Variants in SMIM27 observed in about 807,000 individuals in gnomAD.
The protein encoded by SMIM27 is transition zone microprotein 1.
Under a neutral mutation model 1.8 loss-of-function variants are expected in SMIM27, and 3 were observed. That is an observed-to-expected ratio of 1.65 (90% CI 0.75 to 4.28). The LOEUF (loss-of-function observed/expected upper bound fraction) is 4.28, where lower values mean the gene tolerates loss of function less well. Among genes scored for constraint, SMIM27 ranks in the 30% most tolerant of loss-of-function variants. The pLI, the probability that SMIM27 is intolerant of heterozygous loss-of-function variation, is 0.02. For missense variants in SMIM27, 63 were observed against 37.0 expected (o/e 1.70, Z -1.83); for synonymous variants, 19 against 13.9 (o/e 1.37, Z -0.82).
At chr9:32,553,666 A>G, downstream of SMIM27, 2 of 512,142 alleles carry the variant, frequency 3.9e-6, no homozygotes, top group Non-Finnish European at 6.9e-6. Context: ...GAATGACCAG[A>G]AAAAGTAGGT....
downstream of SMIM27, chr9:32,553,919 T>G (rs1821378423): frequency 6.3e-7 from 1 of 1,597,218 alleles, no homozygotes; most frequent in South Asian, 1.1e-5. Context: ...TGGAATTACT[T>G]CTCCAGTCTC....
intron 1 of SMIM27, among the ~76,000 whole-genome samples, chr9:32,558,751 T>TTTTTG: frequency 6.6e-6 from 1 of 152,082 alleles, no homozygotes; most frequent in East Asian, 1.9e-4. Context: ...TTCCTGTTTT[T>TTTTTG]TTTTGTTTTG....
At chr9:32,551,582 T>C (rs1315440892), upstream of SMIM27, 1 of 253,822 alleles carries the variant, frequency 3.9e-6, no homozygotes, top group African/African-American at 2.2e-5. Flanking sequence ...CTAAAACTCT[T>C]TTAAGATAAC....
chr9:32,560,666 C>T (rs993190143), intron 1 of SMIM27, among the ~76,000 whole-genome samples: 9 of 151,846 alleles, frequency 5.9e-5, no homozygotes, highest in African/African-American at 1.7e-4. Context: ...ATAAATACTT[C>T]GAAATAAAAT....
At position 32,552,775 on chromosome 9, in the gene SMIM27, C is replaced by A. The variant is rs372871201; in HGVS notation, c.46-26C>A. 207 of 698,072 alleles carry A rather than the reference C, an allele frequency of 3.0e-4. 2 individuals are homozygous for A. The highest frequency in any genetic ancestry group is 1.4e-3 in the South Asian group (93 of 66,450). The allele number at this position is 698,072 out of a possible 1,614,324, so 43.2% of individuals were successfully genotyped here. A position where few individuals can be genotyped will look rare whatever the true frequency, so the allele number is the denominator to read the frequency against. On this transcript the variant is annotated intron_variant, in intron 1 of 1. Transcript: ENST00000692500. ...GAGGGGAAATATCAGGTAGATTTCA[C>A]ACCTCCTTTGCGATTTTTGGTTTAG...
intron 1 of SMIM27, among the ~76,000 whole-genome samples, chr9:32,562,413 A>T (rs13301134): frequency 0.1 from 15,753 of 152,232 alleles, 1,043 homozygotes; most frequent in Middle Eastern, 0.28. Flanking sequence ...AATCAAAGAG[A>T]GTAAGTTATG....
At chr9:32,560,111 T>G (rs1275591987) in intron 1 of SMIM27, among the ~76,000 whole-genome samples, 3 of 152,222 alleles carry the variant, frequency 2.0e-5, no homozygotes, top group Non-Finnish European at 2.9e-5. Flanking sequence ...ATCTGAGAGA[T>G]GCAGAATTCA....
chr9:32,557,206 C>T (rs1382798523), downstream of SMIM27, among the ~76,000 whole-genome samples: 1 of 136,360 alleles, frequency 7.3e-6, no homozygotes, highest in Non-Finnish European at 1.6e-5. Flanking sequence ...ACTCTGTGAC[C>T]CAGGCTGGAG....
upstream of SMIM27, chr9:32,551,648 T>TC (rs1821264724): frequency 3.5e-6 from 1 of 286,822 alleles, no homozygotes; most frequent in Admixed American, 3.8e-5. Context: ...ATTCTACTCC[T>TC]CAGGCCTCAA....
chr9:32,552,748 G>A (rs1238795793), intron 1 of SMIM27, 53 bp from the exon 2 acceptor site: 4 of 684,384 alleles, frequency 5.8e-6, no homozygotes, highest in African/African-American at 3.5e-5. Flanking sequence ...CCTGACGGGG[G>A]CGAGGGGAAA....
upstream of SMIM27, chr9:32,551,248 G>A (rs1587627790): frequency 3.5e-6 from 2 of 575,980 alleles, no homozygotes; most frequent in Non-Finnish European, 6.2e-6. Context: ...TAACTTACCC[G>A]GAAAACACGA....
At chr9:32,562,668 G>A (rs1821658679) in intron 1 of SMIM27, among the ~76,000 whole-genome samples, 1 of 152,078 alleles carries the variant, frequency 6.6e-6, no homozygotes, top group African/African-American at 2.4e-5. Context: ...CTTCCTACAA[G>A]CAAAGACAAT....
chr9:32,558,965 A>T, intron 1 of SMIM27: 1 of 1,568,606 alleles, frequency 6.4e-7, no homozygotes, highest in South Asian at 1.1e-5. Flanking sequence ...CTGTAATAAA[A>T]GTTAACTCTG....
intron 1 of SMIM27, chr9:32,566,097 A>T: frequency 2.2e-6 from 1 of 461,150 alleles, no homozygotes; most frequent in Non-Finnish European, 3.9e-6. Flanking sequence ...ACCTGTTAAA[A>T]TTATGCCCAC....
At chr9:32,551,875 A>G, upstream of SMIM27, 1 of 402,514 alleles carries the variant, frequency 2.5e-6, no homozygotes, top group Admixed American at 2.7e-5. Flanking sequence ...GAATGGCTCG[A>G]TTTACAGGGG....
chr9:32,562,239 G>C (rs1470960577), intron 1 of SMIM27, among the ~76,000 whole-genome samples: 1 of 152,116 alleles, frequency 6.6e-6, no homozygotes, highest in Non-Finnish European at 1.5e-5. Context: ...TAAAGTCTTT[G>C]AGGTCAGGAA....
At chr9:32,563,181 T>C (rs1317405856) in intron 1 of SMIM27, among the ~76,000 whole-genome samples, 2 of 152,178 alleles carry the variant, frequency 1.3e-5, no homozygotes, top group African/African-American at 4.8e-5. Flanking sequence ...TAATTTCAGT[T>C]TGCCCCATTA....
intron 1 of SMIM27, among the ~76,000 whole-genome samples, chr9:32,562,128 C>T (rs777639744): frequency 1.1e-4 from 16 of 152,170 alleles, no homozygotes; most frequent in African/African-American, 2.4e-4. Flanking sequence ...TAGGTACATA[C>T]GGCCACGTTC....
chr9:32,553,710 T>G (rs576113516), downstream of SMIM27: 17 of 574,012 alleles, frequency 3.0e-5, no homozygotes, highest in East Asian at 4.8e-4. Context: ...GTCCACTTTT[T>G]ACTTATTGTT....
Sources: allele counts gnomAD v4.1 joint callset (sites outside exome capture counted in the v4.1 genomes callset), GRCh38; gene constraint gnomAD v4.1.1; transcripts MANE v1.5; gene names NCBI Gene and HGNC (gene_info 2026-07-23, HGNC 2026-07-21).